The following MNS1 variants were observed in gnomAD, a reference collection of about 807,000 sequenced individuals.
MNS1 encodes meiosis-specific nuclear structural protein 1.
Under a neutral mutation model 72.0 loss-of-function variants are expected in MNS1, and 63 were observed. The observed-to-expected ratio is 0.87, with a 90% CI of 0.71 to 1.08. The LOEUF (loss-of-function observed/expected upper bound fraction) is 1.08. Ranked by LOEUF, MNS1 falls within the 50% of genes least tolerant of loss-of-function variation. The pLI is 0.00. For synonymous variants in MNS1, 188 were observed against 172.1 expected (o/e 1.09, Z -0.72); for missense variants, 604 against 562.4 (o/e 1.07, Z -0.75).
At chr15:56,446,776 AG>A in intron 4 of MNS1, 64 bp downstream of exon 4, 1 of 1,233,970 alleles carries the variant, frequency 8.1e-7, no homozygotes, top group Admixed American at 2.0e-5. Flanking sequence ...CAATTTTTTA[AG>A]AAACAAGTCT....
At chr15:56,452,128 G>A (rs1272236450) in intron 3 of MNS1, among the ~76,000 whole-genome samples, 3 of 152,042 alleles carry the variant, frequency 2.0e-5, no homozygotes, top group African/African-American at 4.8e-5. Context: ...CTTCTGTGTT[G>A]GGGGTTCCCA....
chr15:56,431,352 C>T (rs771526571), intron 9 of MNS1, 21 bp downstream of exon 9: 1 of 1,607,316 alleles, frequency 6.2e-7, no homozygotes, highest in South Asian at 1.1e-5. Flanking sequence ...AAGATTACAA[C>T]TTGAGATAAA....
At chr15:56,441,550 T>C (rs936395342) in intron 7 of MNS1, among the ~76,000 whole-genome samples, 30 of 152,198 alleles carry the variant, frequency 2.0e-4, no homozygotes, top group African/African-American at 7.2e-4. Flanking sequence ...AAAACAAAAA[T>C]TGACAAGTGG....
intron 7 of MNS1, among the ~76,000 whole-genome samples, chr15:56,436,879 T>C (rs536012910): frequency 1.3e-5 from 2 of 152,254 alleles, no homozygotes; most frequent in East Asian, 3.9e-4. Flanking sequence ...CCTGGACACA[T>C]ACACCCTCCC....
chr15:56,430,352 G>A (rs776890067), intron 9 of MNS1, among the ~76,000 whole-genome samples: 41 of 152,040 alleles, frequency 2.7e-4, no homozygotes, highest in Non-Finnish European at 3.8e-4. Flanking sequence ...GACTACAGGC[G>A]TGCATCACCA....
rs1041545543 is a variant in MNS1, at chr15:56,444,448, G to C, written c.682C>G (p.Gln228Glu). The C allele has an allele frequency of 6.2e-7, 1 of 1,603,418 alleles. No individual in the cohort carries two copies. Among genetic ancestry groups the C allele is most frequent in the Non-Finnish European group, 8.5e-7 (1 of 1,176,526 alleles). ...AGAAAGTTAGGATAAACTTACAACT[G>C]ATCTTCTTCATAGATCTTCCTAACA... Reference protein sequence around the residue: ...EIVRKIYEEDQLEKQQKLEKM... With the variant: ...EIVRKIYEEDELEKQQKLEKM... The change falls in exon 5 of 10, where the codon CAG (glutamine) becomes GAG (glutamate). Residue 228 changes from glutamine (Q) to glutamate (E), a missense_variant. Gln to Glu is a conservative substitution (Grantham distance 29). Coordinates refer to ENST00000260453, the MANE Select transcript of MNS1 (RefSeq NM_018365.4).
intron 8 of MNS1, among the ~76,000 whole-genome samples, chr15:56,432,826 C>G (rs1257344224): frequency 1.3e-5 from 2 of 152,128 alleles, no homozygotes; most frequent in African/African-American, 4.8e-5. Flanking sequence ...TTTGAAACAT[C>G]TGCATTATTT....
At position 56,464,173 on chromosome 15, in the gene MNS1, T is replaced by C; in HGVS notation, c.78A>G (p.Leu26=). The C allele has an allele frequency of 6.2e-7, 1 of 1,614,124 alleles. No homozygotes were observed. The highest frequency in any genetic ancestry group is 8.5e-7 in the Non-Finnish European group (1 of 1,180,018). ...TGACGTTTTTTAGAGCTTGGACATG[T>C]AATTTTTTGCAGTAGTTTTCATCTA... The part of the protein sequence containing the change: ...KLVDENYCKK[L]HVQALKNVNS... Residue 26 remains leucine (L), a synonymous_variant, in exon 2 of 10, where the codon TTA becomes TTG. Transcript: ENST00000260453.
At chr15:56,460,419 A>G (rs2140382647) in intron 2 of MNS1, among the ~76,000 whole-genome samples, 1 of 152,306 alleles carries the variant, frequency 6.6e-6, no homozygotes, top group East Asian at 1.9e-4. Context: ...AACTAAGGAT[A>G]CATGACAACT....
chr15:56,438,092 C>A (rs2050759201), intron 7 of MNS1, among the ~76,000 whole-genome samples: 1 of 152,150 alleles, frequency 6.6e-6, no homozygotes, highest in Admixed American at 6.6e-5. Flanking sequence ...CAATGACTTT[C>A]TTCACAGAAT....
chr15:56,455,265 A>C (rs13379498), intron 3 of MNS1, among the ~76,000 whole-genome samples: 39,671 of 143,546 alleles, frequency 0.28, 5,499 homozygotes, highest in Middle Eastern at 0.45. Context: ...AAAAAAAAAA[A>C]AAAAAACCAT....
At chr15:56,449,459 T>G (rs1396910473) in intron 3 of MNS1, among the ~76,000 whole-genome samples, 2 of 152,214 alleles carry the variant, frequency 1.3e-5, no homozygotes, top group African/African-American at 4.8e-5. Context: ...TTAAATTTGG[T>G]CAGGATGATT....
At chr15:56,433,765 A>G (rs1035612629) in intron 8 of MNS1, among the ~76,000 whole-genome samples, 10 of 152,176 alleles carry the variant, frequency 6.6e-5, no homozygotes, top group Non-Finnish European at 2.9e-5. Flanking sequence ...AATAGCATGC[A>G]GGGTGTTCAT....
intron 3 of MNS1, among the ~76,000 whole-genome samples, chr15:56,455,240 G>A (rs1247937430): frequency 5.8e-5 from 6 of 102,750 alleles, no homozygotes; most frequent in East Asian, 3.2e-4. Context: ...ATAGTTCATC[G>A]TCAGGTGAAA....
intron 9 of MNS1, among the ~76,000 whole-genome samples, chr15:56,431,064 A>C (rs540952158): frequency 1.6e-4 from 24 of 152,264 alleles, no homozygotes; most frequent in African/African-American, 5.5e-4. Context: ...AGGAGGCTGA[A>C]GCAGGAGAAT....
intron 8 of MNS1, among the ~76,000 whole-genome samples, chr15:56,432,382 C>T (rs7171270): frequency 0.026 from 3,972 of 152,092 alleles, 168 homozygotes; most frequent in African/African-American, 0.091. Flanking sequence ...TTTGTCTGAC[C>T]GTATGATTTT....
intron 3 of MNS1, among the ~76,000 whole-genome samples, chr15:56,451,336 A>G (rs2140369966): frequency 6.6e-6 from 1 of 152,340 alleles, no homozygotes; most frequent in South Asian, 2.1e-4. Flanking sequence ...CTGAGCTAGG[A>G]GGGAATGAGG....
chr15:56,463,145 A>C (rs1232406505), intron 2 of MNS1, among the ~76,000 whole-genome samples: 5 of 152,152 alleles, frequency 3.3e-5, no homozygotes, highest in African/African-American at 1.2e-4. Flanking sequence ...ATCATGTCTC[A>C]ATTCTTATTA....
At chr15:56,444,023 T>C (rs2050865335) in intron 5 of MNS1, among the ~76,000 whole-genome samples, 169 bp from the exon 6 acceptor site, 1 of 152,200 alleles carries the variant, frequency 6.6e-6, no homozygotes, top group African/African-American at 2.4e-5. Context: ...GGTATGAATT[T>C]TTCTTTGGGT....
Sources: gnomAD v4.1 joint callset for allele counts (sites outside exome capture counted in the v4.1 genomes callset) on GRCh38, gnomAD v4.1.1 for gene constraint, MANE v1.5 for transcripts, NCBI Gene and HGNC (gene_info 2026-07-23, HGNC 2026-07-21) for gene names.